GPR149: variants seen among roughly 807,000 people sequenced by gnomAD.
GPR149 encodes probable G protein-coupled receptor 149.
A neutral mutation model predicts 50.2 loss-of-function variants in GPR149; 50 were observed. The observed-to-expected ratio is 1.00, with a 90% CI of 0.79 to 1.26. The LOEUF is 1.26. GPR149 is among the 50% of genes most tolerant of loss of function. The probability of loss-of-function intolerance (pLI) is 0.00; values close to 1 mark genes in which losing one functional copy is unlikely to be tolerated. For missense variants in GPR149, 983 were observed against 895.4 expected (o/e 1.10, Z -1.25); for synonymous variants, 405 against 358.2 (o/e 1.13, Z -1.48).
At chr3:154,384,614 C>T (rs1355536282) in intron 3 of GPR149, among the ~76,000 whole-genome samples, 1 of 152,174 alleles carries the variant, frequency 6.6e-6, no homozygotes, top group African/African-American at 2.4e-5. Context: ...TCCAATCTTC[C>T]TGTTTTTCTC....
In GPR149 at chr3:154,430,131, G is replaced by C. The variant is rs927389809; in HGVS notation, c.-516C>G. On this transcript the variant is annotated 5_prime_UTR_variant, in exon 1 of 4. Transcript: ENST00000389740. ...TTTCAGCTTTGAAGGTGGAGAGAGA[G>C]AGAGAGACAGAGAGAGAGAGAGAGA... 1.4e-5 allele frequency among the ~76,000 whole-genome samples: 2 copies of C among 141,748 alleles called. No homozygotes were observed. Among genetic ancestry groups the C allele is most frequent in the Non-Finnish European group, 3.0e-5 (2 of 65,970 alleles). The allele number at this position is 141,748 out of a possible 152,430, so 93.0% of individuals were successfully genotyped here.
At chr3:154,347,955 C>G (rs1713974821) in intron 3 of GPR149, among the ~76,000 whole-genome samples, 1 of 152,192 alleles carries the variant, frequency 6.6e-6, no homozygotes, top group East Asian at 1.9e-4. Flanking sequence ...TGAAGTACTG[C>G]TGTGGAGTCG....
Position 154,335,985 on chromosome 3 carries a change from G to A in GPR149, c.*1714C>T, listed in dbSNP as rs560468249. On this transcript the variant is annotated 3_prime_UTR_variant, in exon 4 of 4. Transcript: ENST00000389740. The stretch of plus-strand genomic sequence containing the variant: ...TTTTTCTTTTATAAAGACATTTAAT[G>A]CTACTGATTTATAATATCTGATTTA... 5.9e-5 allele frequency: 9 copies of A among 152,166 alleles called. No homozygotes were observed. The East Asian group carries it at 1.7e-3, about 29-fold the overall frequency. The allele number at this position is 152,166 out of a possible 1,614,324, so 9.4% of individuals were successfully genotyped here. A position where few individuals can be genotyped will look rare whatever the true frequency, so the allele number is the denominator to read the frequency against.
chr3:154,427,756 A>C (rs768798352), intron 1 of GPR149, 48 bp from the exon 2 acceptor site: 2 of 1,539,482 alleles, frequency 1.3e-6, no homozygotes, highest in Non-Finnish European at 1.8e-6. Context: ...TATACTTTGT[A>C]CTTCTCAAGC....
intron 3 of GPR149, among the ~76,000 whole-genome samples, chr3:154,358,458 A>T (rs779739592): frequency 4.6e-4 from 70 of 152,148 alleles, no homozygotes; most frequent in Admixed American, 1.4e-3. Context: ...TCTAAAAAAA[A>T]TTAAAATCAC....
At chr3:154,371,104 C>A (rs1714654936) in intron 3 of GPR149, among the ~76,000 whole-genome samples, 1 of 152,156 alleles carries the variant, frequency 6.6e-6, no homozygotes, top group Non-Finnish European at 1.5e-5. Context: ...AGGCAATATA[C>A]CTTAAGGCCT....
At chr3:154,352,863 A>C in intron 3 of GPR149, 1 of 938,720 alleles carries the variant, frequency 1.1e-6, no homozygotes, top group Non-Finnish European at 1.8e-6. Context: ...CTCTTGGTTG[A>C]TAAAAACATA....
chr3:154,407,693 TACACAC>T (rs1175398541), intron 3 of GPR149, among the ~76,000 whole-genome samples: 1 of 139,978 alleles, frequency 7.1e-6, no homozygotes, highest in Non-Finnish European at 1.5e-5. Context: ...GTCATGTGTA[TACACAC>T]ACACACACAC....
chr3:154,377,978 C>G (rs931055379), intron 3 of GPR149, among the ~76,000 whole-genome samples: 1 of 151,834 alleles, frequency 6.6e-6, no homozygotes, highest in Non-Finnish European at 1.5e-5. Context: ...GGTCTGGCTT[C>G]TCTTACTTTG....
chr3:154,377,046 A>T (rs1268056425), intron 3 of GPR149, among the ~76,000 whole-genome samples: 7 of 82,584 alleles, frequency 8.5e-5, no homozygotes, highest in South Asian at 3.6e-4. Context: ...GCCCTGAATT[A>T]AAAAAAAAAA....
Position 154,428,628 on chromosome 3 carries a change from CT to C in GPR149, c.981+6del, listed in dbSNP as rs1476329297. 1 of 1,608,536 alleles carries C rather than the reference CT, an allele frequency of 6.2e-7. No individual in the cohort carries two copies. Among genetic ancestry groups the C allele is most frequent in the African/African-American group, 1.3e-5 (1 of 74,586 alleles). ...CACTCGCGCTTTGTGAGCAACTGCACTTTTACCATCATGGGCAGCCAAAGGA... is the reference window on the plus strand; with the variant it reads ...CACTCGCGCTTTGTGAGCAACTGCACTTTACCATCATGGGCAGCCAAAGGA... On this transcript the variant is annotated splice_donor_region_variant and intron_variant, in intron 1 of 3. Transcript: ENST00000389740.
intron 3 of GPR149, among the ~76,000 whole-genome samples, chr3:154,409,833 C>T (rs1035090689): frequency 1.3e-5 from 2 of 152,056 alleles, no homozygotes; most frequent in Admixed American, 1.3e-4. Context: ...GAAAACCTCC[C>T]CAGTCTTGCT....
At chr3:154,369,627 A>G (rs1480329361) in intron 3 of GPR149, among the ~76,000 whole-genome samples, 1 of 152,242 alleles carries the variant, frequency 6.6e-6, no homozygotes, top group Non-Finnish European at 1.5e-5. Flanking sequence ...ACAAGGGACT[A>G]TGTCCCTTAC....
In GPR149 at chr3:154,355,104, T is replaced by C. The variant is rs146152114; in HGVS notation, c.1624-16833A>G. Among the ~76,000 whole-genome samples, 140 of 152,324 alleles carry C rather than the reference T, an allele frequency of 9.2e-4. 1 individual carries two copies. The East Asian group carries it at 0.026, about 29-fold the overall frequency. On this transcript the variant is annotated intron_variant, in intron 3 of 3. Transcript: ENST00000389740. ...GTGCAGTGGCGCGATGTTGGCTCAC[T>C]GCAACCTCTGCCTCCTGGGTTCAAG...
chr3:154,354,779 C>T, intron 3 of GPR149: 1 of 702,790 alleles, frequency 1.4e-6, no homozygotes, highest in Non-Finnish European at 2.1e-6. Context: ...ATAATGTCGC[C>T]CCAAGGAGTT....
intron 3 of GPR149, among the ~76,000 whole-genome samples, chr3:154,381,426 A>G (rs1238135519): frequency 6.6e-6 from 1 of 152,196 alleles, no homozygotes; most frequent in African/African-American, 2.4e-5. Context: ...CAATATTTTT[A>G]TCTGAGAAAT....
intron 3 of GPR149, among the ~76,000 whole-genome samples, chr3:154,408,357 C>A (rs1293198726): frequency 6.6e-6 from 1 of 152,204 alleles, no homozygotes; most frequent in African/African-American, 2.4e-5. Context: ...ATCACCACTG[C>A]AGGCTCCCTG....
chr3:154,400,419 G>C (rs898341122), intron 3 of GPR149, among the ~76,000 whole-genome samples: 3 of 152,140 alleles, frequency 2.0e-5, no homozygotes, highest in African/African-American at 7.2e-5. Context: ...GTGTCAATGG[G>C]TAACCTCGAA....
At chr3:154,356,181 T>C (rs907262535) in intron 3 of GPR149, among the ~76,000 whole-genome samples, 4 of 152,174 alleles carry the variant, frequency 2.6e-5, no homozygotes. Flanking sequence ...ACTTGCTCAC[T>C]TGAAGTGGAT....
Sources: allele counts gnomAD v4.1 joint callset (sites outside exome capture counted in the v4.1 genomes callset), GRCh38; gene constraint gnomAD v4.1.1; transcripts MANE v1.5; gene names NCBI Gene and HGNC (gene_info 2026-07-23, HGNC 2026-07-21).